The following SQSTM1 variants were observed in gnomAD, a reference collection of about 807,000 sequenced individuals.
The protein encoded by SQSTM1 is sequestosome 1.
In SQSTM1, 36 loss-of-function variants were observed where a neutral mutation model predicts 45.1. The ratio of observed to expected loss-of-function variants is 0.80; its 90% CI spans 0.61 to 1.05. The LOEUF is 1.05. Among genes scored for constraint, SQSTM1 ranks in the 50% least tolerant of loss-of-function variants. SQSTM1 has a pLI of 0.00. For synonymous variants in SQSTM1, 290 were observed against 244.3 expected, an observed-to-expected ratio of 1.19 and a Z score of -1.74; for missense variants, 617 against 607.1, an observed-to-expected ratio of 1.02 and a Z score of -0.17.
chr5:179,824,360 CAGT>C (rs771161853), intron 4 of SQSTM1, 37 bp downstream of exon 4: 9 of 1,613,164 alleles, frequency 5.6e-6, no homozygotes, highest in South Asian at 5.5e-5. Context: ...TGATTGGTGA[CAGT>C]AGTCAGGCAG....
intron 5 of SQSTM1, among the ~76,000 whole-genome samples, chr5:179,828,367 ATC>A (rs1758083137): frequency 1.1e-5 from 1 of 94,662 alleles, no homozygotes; most frequent in Admixed American, 9.7e-5. Flanking sequence ...TTTTTTTCTT[ATC>A]TTTTTTTTTT....
At chr5:179,833,281 G>T in intron 6 of SQSTM1, 35 bp downstream of exon 6, 1 of 1,534,940 alleles carries the variant, frequency 6.5e-7, no homozygotes, top group East Asian at 2.4e-5. Flanking sequence ...CTGGGACCAC[G>T]GCCAGCCTAG....
Position 179,832,971 on chromosome 5 carries a change from C to A in SQSTM1, c.755-61C>A, listed in dbSNP as rs1758305431. The A allele has an allele frequency of 3.8e-6, 6 of 1,568,634 alleles. No individual in the cohort carries two copies. In the Admixed American group the frequency reaches 8.3e-5, roughly 22 times the overall value. On this transcript the variant is annotated intron_variant, in intron 5 of 7. Coordinates refer to ENST00000389805, the MANE Select transcript of SQSTM1 (RefSeq NM_003900.5). ...TCTGTAGTCTCCACAGGCCAAGCTCCTGCTTGCAGGTGCATCCTTGGGGGA... is the reference window on the plus strand; with the variant it reads ...TCTGTAGTCTCCACAGGCCAAGCTCATGCTTGCAGGTGCATCCTTGGGGGA...
intron 2 of SQSTM1, chr5:179,823,551 C>T (rs1042722416): frequency 5.2e-5 from 22 of 419,496 alleles, no homozygotes; most frequent in East Asian, 3.4e-4. Flanking sequence ...GGTCTGGTGC[C>T]GTGGTGCTTG....
Position 179,837,332 on chromosome 5 carries a change from TA to T in SQSTM1, c.*740del, listed in dbSNP as rs1435912036. ...TTACAGAGTATCTTTAAAAGTGCCTTAGGGGAACCCTGTCCCTCCTAACAAG... is the reference window on the plus strand; with the variant it reads ...TTACAGAGTATCTTTAAAAGTGCCTTGGGGAACCCTGTCCCTCCTAACAAG... On this transcript the variant is annotated 3_prime_UTR_variant, in exon 8 of 8. Coordinates refer to ENST00000389805, the MANE Select transcript of SQSTM1 (RefSeq NM_003900.5). The T allele has an allele frequency of 1.1e-5, 17 of 1,588,578 alleles. No individual in the cohort carries two copies. The African/African-American group carries it at 2.3e-4, about 21-fold the overall frequency.
rs1456644525 is a variant in SQSTM1 at position 179,837,142 on chromosome 5, A to T, written c.*549A>T. On this transcript the variant is annotated 3_prime_UTR_variant, in exon 8 of 8. Transcript: ENST00000389805. ...AGAGCTGCCTCCTGGTCTCTTCACC[A>T]CTGTAGTTCTCTCATTTCCAAACCA... 5.3e-6 allele frequency: 7 copies of T among 1,320,010 alleles called. No individual in the cohort carries two copies. Among genetic ancestry groups the T allele is most frequent in the Admixed American group, 2.0e-5 (1 of 50,716 alleles). The allele number at this position is 1,320,010 out of a possible 1,614,324, so 81.8% of individuals were successfully genotyped here. A position where few individuals can be genotyped will look rare whatever the true frequency, so the allele number is the denominator to read the frequency against.
At position 179,832,561 on chromosome 5, in the gene SQSTM1, G is replaced by A. The variant is rs182083213; in HGVS notation, c.755-471G>A. Among the ~76,000 whole-genome samples, 176 of 152,366 alleles carry A rather than the reference G, an allele frequency of 1.2e-3. 3 individuals carry two copies. The highest frequency in any genetic ancestry group is 1.3e-3 in the Non-Finnish European group (89 of 68,034). On this transcript the variant is annotated intron_variant, in intron 5 of 7. Transcript: ENST00000389805. ...CTGTGGCTGGAAGCGCCTGCCACAT[G>A]TGGTATTGGCTCTCCCTGTACTTAG...
intron 2 of SQSTM1, chr5:179,813,731 G>C (rs1321522873): frequency 6.6e-6 from 1 of 150,382 alleles, no homozygotes; most frequent in Non-Finnish European, 1.5e-5. Context: ...CTTCAGCCTG[G>C]GCCACAGAGT....
chr5:179,834,596 T>G (rs1003385189), intron 7 of SQSTM1, among the ~76,000 whole-genome samples: 4 of 151,540 alleles, frequency 2.6e-5, no homozygotes, highest in Non-Finnish European at 5.9e-5. Context: ...GTACTTGAGA[T>G]TAGGGAGTGG....
chr5:179,819,268 G>A (rs1446981948), upstream of SQSTM1, among the ~76,000 whole-genome samples: 1 of 152,170 alleles, frequency 6.6e-6, no homozygotes, highest in Non-Finnish European at 1.5e-5. Flanking sequence ...GGCCAGAGCC[G>A]GGTGTCCACC....
At position 179,828,189 on chromosome 5, in the gene SQSTM1, C is replaced by T. The variant is rs74315910; in HGVS notation, c.754+2963C>T. Among the ~76,000 whole-genome samples, 1,101 of 152,200 alleles carry T rather than the reference C, an allele frequency of 7.2e-3. 13 individuals are homozygous for T. Among genetic ancestry groups the T allele is most frequent in the African/African-American group, 0.025 (1,054 of 41,510 alleles). ...AGACAAAGTAGCCTGTCCAGTCTTA[C>T]GACAAGGCCTGAAAATCTCACGCTT... On this transcript the variant is annotated intron_variant, in intron 5 of 7. Coordinates refer to ENST00000389805, the MANE Select transcript of SQSTM1 (RefSeq NM_003900.5).
intron 5 of SQSTM1, among the ~76,000 whole-genome samples, 189 bp from the exon 6 acceptor site, chr5:179,832,843 C>T (rs553949395): frequency 2.0e-4 from 30 of 152,176 alleles, no homozygotes; most frequent in African/African-American, 6.3e-4. Flanking sequence ...TGTGTGATTG[C>T]GGGGTCGAGC....
Position 179,833,731 on chromosome 5 carries a change from G to C in SQSTM1, c.1114G>C (p.Glu372Gln), listed in dbSNP as rs767990596. 3 of 1,614,128 alleles carry C rather than the reference G, an allele frequency of 1.9e-6. No homozygotes were observed. The East Asian group carries it at 6.7e-5, about 36-fold the overall frequency. Residue 372 changes from glutamate (E) to glutamine (Q), a missense_variant, in exon 7 of 8, where the codon GAG (glutamate) becomes CAG (glutamine). By Grantham distance (29) the Glu-to-Gln change is conservative. Coordinates refer to ENST00000389805, the MANE Select transcript of SQSTM1 (RefSeq NM_003900.5). The stretch of plus-strand genomic sequence containing the variant: ...GCCAAGCTCTCTGGACCCCTCCCAG[G>C]AGGGACCCACAGGGCTGAAGGAAGC... ...EGPSSLDPSQEGPTGLKEAAL... is the reference protein window; with the variant it reads ...EGPSSLDPSQQGPTGLKEAAL...
At chr5:179,833,292 T>A in intron 6 of SQSTM1, 46 bp downstream of exon 6, 1 of 1,519,074 alleles carries the variant, frequency 6.6e-7, no homozygotes. Flanking sequence ...GCCAGCCTAG[T>A]GATCTGTGGC....
In SQSTM1 at chr5:179,829,627, A is replaced by G. The variant is rs999876299; in HGVS notation, c.755-3405A>G. 7.2e-5 allele frequency among the ~76,000 whole-genome samples: 11 copies of G among 152,228 alleles called. No individual in the cohort carries two copies. In the East Asian group the frequency reaches 1.7e-3, roughly 24 times the overall value. ...AAAAATAGAAAAAAAACTTCAAAAG[A>G]AGGCTTAGATTCTACTATTGTCTCA... On this transcript the variant is annotated intron_variant, in intron 5 of 7. Transcript: ENST00000389805.
At chr5:179,825,944 G>A (rs1294203514) in intron 5 of SQSTM1, among the ~76,000 whole-genome samples, 1 of 152,198 alleles carries the variant, frequency 6.6e-6, no homozygotes, top group Non-Finnish European at 1.5e-5. Flanking sequence ...TCAAGATGAC[G>A]GTGGATCTGT....
chr5:179,832,223 G>A (rs1758260939), intron 5 of SQSTM1, among the ~76,000 whole-genome samples: 1 of 152,244 alleles, frequency 6.6e-6, no homozygotes, highest in African/African-American at 2.4e-5. Context: ...GGCACAGGGA[G>A]AGTTTGGGGA....
At chr5:179,834,457 G>C (rs369954349) in intron 7 of SQSTM1, among the ~76,000 whole-genome samples, 2 of 151,552 alleles carry the variant, frequency 1.3e-5, no homozygotes, top group South Asian at 4.2e-4. Flanking sequence ...GGTGTTTCTC[G>C]CAGAGGGGGA....
chr5:179,815,791 A>T (rs1581996665), upstream of SQSTM1, among the ~76,000 whole-genome samples: 1 of 152,114 alleles, frequency 6.6e-6, no homozygotes, highest in Middle Eastern at 3.2e-3. Flanking sequence ...CTGCTTCAAT[A>T]CCAGCCTTTA....
Sources: allele counts gnomAD v4.1 joint callset (sites outside exome capture counted in the v4.1 genomes callset), GRCh38; gene constraint gnomAD v4.1.1; transcripts MANE v1.5; gene names NCBI Gene and HGNC (gene_info 2026-07-23, HGNC 2026-07-21).